The following GATAD2A variants were observed in gnomAD, a reference collection of about 807,000 sequenced individuals.
GATAD2A encodes GATA zinc finger domain containing 2A.
A neutral mutation model predicts 68.5 loss-of-function variants in GATAD2A; 12 were observed. That is an observed-to-expected ratio of 0.18 (90% CI 0.11 to 0.28). The LOEUF (loss-of-function observed/expected upper bound fraction) is 0.28. GATAD2A is among the 10% of genes least tolerant of loss of function. GATAD2A has a pLI of 1.00. For missense variants in GATAD2A, 755 were observed against 868.5 expected, an observed-to-expected ratio of 0.87 and a Z score of 1.64; for synonymous variants, 410 against 375.3, an observed-to-expected ratio of 1.09 and a Z score of -1.07.
intron 2 of GATAD2A, among the ~76,000 whole-genome samples, chr19:19,489,151 A>G (rs557393318): frequency 6.6e-6 from 1 of 152,216 alleles, no homozygotes; most frequent in Non-Finnish European, 1.5e-5. Flanking sequence ...TTTTCATTTT[A>G]GAAACTTAGA....
Position 19,507,100 on chromosome 19 carries a change from A to T in GATAD2A, c.*1626A>T, listed in dbSNP as rs2060896479. The T allele has an allele frequency of 6.6e-6, 1 of 151,248 alleles. No homozygotes were observed. Among genetic ancestry groups the T allele is most frequent in the Admixed American group, 6.6e-5 (1 of 15,144 alleles). The allele number at this position is 151,248 out of a possible 1,614,324, so 9.4% of individuals were successfully genotyped here. A position where few individuals can be genotyped will look rare whatever the true frequency, so the allele number is the denominator to read the frequency against. On this transcript the variant is annotated 3_prime_UTR_variant, in exon 12 of 12. Coordinates refer to ENST00000683918, the MANE Select transcript of GATAD2A (RefSeq NM_001384528.1). ...GTGCAAATCCCCAAATTTCTCACTA[A>T]TTTTTGTTTTTTTGTGCATAACTTG...
intron 1 of GATAD2A, among the ~76,000 whole-genome samples, chr19:19,448,737 GC>G: frequency 6.6e-6 from 1 of 152,074 alleles, no homozygotes; most frequent in Non-Finnish European, 1.5e-5. Context: ...TGATCCGCCC[GC>G]CTCAGCCTCC....
chr19:19,415,021 G>A (rs1346983632), intron 1 of GATAD2A, among the ~76,000 whole-genome samples: 1 of 151,542 alleles, frequency 6.6e-6, no homozygotes, highest in African/African-American at 2.4e-5. Context: ...GGAGGCTGAG[G>A]TGGGAGGATT....
At chr19:19,423,641 C>A (rs1358856298) in intron 1 of GATAD2A, among the ~76,000 whole-genome samples, 7 of 152,216 alleles carry the variant, frequency 4.6e-5, no homozygotes, top group Non-Finnish European at 1.0e-4. Flanking sequence ...TTTGATTTGG[C>A]AGCTGATGGT....
intron 1 of GATAD2A, among the ~76,000 whole-genome samples, chr19:19,440,694 A>G (rs1434384521): frequency 6.6e-6 from 1 of 152,228 alleles, no homozygotes; most frequent in Non-Finnish European, 1.5e-5. Flanking sequence ...TTATAAAACA[A>G]AAGCCAAGTG....
At chr19:19,466,444 A>C (rs1244096000) in intron 2 of GATAD2A, among the ~76,000 whole-genome samples, 2 of 151,240 alleles carry the variant, frequency 1.3e-5, no homozygotes, top group African/African-American at 2.4e-5. Flanking sequence ...CTCTCTCCTC[A>C]CCGCCCACTG....
chr19:19,417,693 A>G (rs959741446), intron 1 of GATAD2A, among the ~76,000 whole-genome samples: 3 of 152,200 alleles, frequency 2.0e-5, no homozygotes, highest in East Asian at 1.9e-4. Context: ...GAGCATGACA[A>G]TATCGACTTG....
At chr19:19,496,896 TG>T (rs1253438686) in intron 7 of GATAD2A, among the ~76,000 whole-genome samples, 2 of 152,140 alleles carry the variant, frequency 1.3e-5, no homozygotes, top group African/African-American at 4.8e-5. Context: ...TGGCACAGTT[TG>T]TTCTTGCCCA....
At position 19,420,619 on chromosome 19, in the gene GATAD2A, T is replaced by C. The variant is rs952576554; in HGVS notation, c.-7+14600T>C. ...CCTCCGAAAGTGCTGGGATTACAGG[T>C]GTGAGCCACCGCGACCAGCCCCATC... On this transcript the variant is annotated intron_variant, in intron 1 of 11. Coordinates refer to ENST00000683918, the MANE Select transcript of GATAD2A (RefSeq NM_001384528.1). Among the ~76,000 whole-genome samples, 10 of 151,566 alleles carry C rather than the reference T, an allele frequency of 6.6e-5. No homozygotes were observed. In the East Asian group the frequency reaches 1.2e-3, roughly 18 times the overall value.
intron 1 of GATAD2A, among the ~76,000 whole-genome samples, chr19:19,411,942 T>C (rs1246325045): frequency 6.6e-6 from 1 of 152,086 alleles, no homozygotes; most frequent in Non-Finnish European, 1.5e-5. Context: ...TTTGGAGGCC[T>C]AAGAGTCAGG....
intron 2 of GATAD2A, among the ~76,000 whole-genome samples, chr19:19,467,186 T>C (rs2057934992): frequency 6.6e-6 from 1 of 152,150 alleles, no homozygotes; most frequent in Non-Finnish European, 1.5e-5. Flanking sequence ...CCATCCTGGC[T>C]AACACGGTGA....
intron 1 of GATAD2A, among the ~76,000 whole-genome samples, chr19:19,412,476 A>G (rs1165256454): frequency 6.6e-6 from 1 of 152,002 alleles, no homozygotes; most frequent in East Asian, 1.9e-4. Context: ...TCTTAAAAAA[A>G]AAAAAATTAG....
intron 1 of GATAD2A, among the ~76,000 whole-genome samples, chr19:19,425,774 GTTTTCT>G (rs1029762829): frequency 1.3e-5 from 2 of 151,730 alleles, no homozygotes; most frequent in African/African-American, 4.8e-5. Flanking sequence ...GGACATAGTG[GTTTTCT>G]TTTTCTTTTC....
At position 19,430,510 on chromosome 19, in the gene GATAD2A, C is replaced by T. The variant is rs967042977; in HGVS notation, c.-7+24491C>T. ...GATGTTGTTGGCCATGTCATGTTCC[C>T]AGGATTGGACTGGAGCCAAGCTGTG... On this transcript the variant is annotated intron_variant, in intron 1 of 11. Coordinates refer to ENST00000683918, the MANE Select transcript of GATAD2A (RefSeq NM_001384528.1). Among the ~76,000 whole-genome samples the T allele has an allele frequency of 4.6e-5, 7 of 152,280 alleles. No homozygotes were observed. In the East Asian group the frequency reaches 1.2e-3, roughly 25 times the overall value.
At chr19:19,434,163 T>C (rs971952644) in intron 1 of GATAD2A, among the ~76,000 whole-genome samples, 1 of 152,170 alleles carries the variant, frequency 6.6e-6, no homozygotes, top group African/African-American at 2.4e-5. Context: ...TTTTTCAGGT[T>C]TTGAGTTCTG....
Position 19,502,536 on chromosome 19 carries a change from C to T in GATAD2A, c.1774+10C>T. On this transcript the variant is annotated intron_variant, in intron 11 of 11. Coordinates refer to ENST00000683918, the MANE Select transcript of GATAD2A (RefSeq NM_001384528.1). ...ACGCCCCTCAGCACAGGTGGGTGAC[C>T]TCCACAGGGCTCCCCAGGGGACCTG... The T allele has an allele frequency of 3.1e-6, 5 of 1,591,524 alleles. No homozygotes were observed. Among genetic ancestry groups the T allele is most frequent in the South Asian group, 2.3e-5 (2 of 88,846 alleles).
chr19:19,430,823 CTGAGCT>C (rs2053638480), intron 1 of GATAD2A, among the ~76,000 whole-genome samples: 1 of 152,170 alleles, frequency 6.6e-6, no homozygotes, highest in Non-Finnish European at 1.5e-5. Context: ...CCTCGCTAGC[CTGAGCT>C]TGAGAGGATA....
intron 1 of GATAD2A, among the ~76,000 whole-genome samples, chr19:19,411,822 A>G (rs900389750): frequency 2.6e-5 from 4 of 152,186 alleles, no homozygotes; most frequent in South Asian, 4.1e-4. Context: ...CCAGATGTCA[A>G]CTACACAGTG....
intron 1 of GATAD2A, chr19:19,436,319 C>A: frequency 1.7e-6 from 1 of 580,358 alleles, no homozygotes; most frequent in Non-Finnish European, 3.1e-6. Flanking sequence ...CTGCTTCAGC[C>A]ACCTCCTAGA....
Sources: allele counts gnomAD v4.1 joint callset (sites outside exome capture counted in the v4.1 genomes callset), GRCh38; gene constraint gnomAD v4.1.1; transcripts MANE v1.5; gene names NCBI Gene and HGNC (gene_info 2026-07-23, HGNC 2026-07-21).